The following EPB41L4B variants were observed in gnomAD, a reference collection of about 807,000 sequenced individuals.
The protein encoded by EPB41L4B is erythrocyte membrane protein band 4.1 like 4B.
A neutral mutation model predicts 112.5 loss-of-function variants in EPB41L4B; 30 were observed. The ratio of observed to expected loss-of-function variants is 0.27; its 90% confidence interval spans 0.20 to 0.36. EPB41L4B has a LOEUF of 0.36. Ranked by LOEUF, EPB41L4B falls within the 10% of genes least tolerant of loss-of-function variation. EPB41L4B has a pLI of 1.00. For synonymous variants in EPB41L4B, 408 were observed against 439.7 expected (o/e 0.93, Z 0.90); for missense variants, 1,024 against 1,133.3 (o/e 0.90, Z 1.38).
At chr9:109,268,896 CA>C (rs55646924) in intron 2 of EPB41L4B, among the ~76,000 whole-genome samples, 2,367 of 106,684 alleles carry the variant, frequency 0.022, 51 homozygotes, top group African/African-American at 0.082. Flanking sequence ...AACTCCGTCT[CA>C]AAAAAAAAAA....
rs114709089 is a variant in EPB41L4B, at chr9:109,262,002, C to A, written c.631+1048G>T. Among the ~76,000 whole-genome samples, 967 of 152,266 alleles carry A rather than the reference C, an allele frequency of 6.4e-3. 11 individuals are homozygous for A. Among genetic ancestry groups the A allele is most frequent in the African/African-American group, 0.023 (938 of 41,550 alleles). On this transcript the variant is annotated intron_variant, in intron 6 of 25. Transcript: ENST00000374566. ...TGTCTATCTGATGTACTAATGAAAT[C>A]CCGGATATGCAGTTACACATTAGTA...
rs562783024 is a variant in EPB41L4B at position 109,198,939 on chromosome 9, A to G, written c.2045+1297T>C. Among the ~76,000 whole-genome samples, 3 of 152,088 alleles carry G rather than the reference A, an allele frequency of 2.0e-5. No homozygotes were observed. In the South Asian group the frequency reaches 6.2e-4, roughly 32 times the overall value. Reference sequence around the variant, plus strand: ...AGGCTCTGTCTCAAAAAAAAAAAAAAAAAGGGAAATACCATTGTGATCAGT... The same window carrying G: ...AGGCTCTGTCTCAAAAAAAAAAAAAGAAAGGGAAATACCATTGTGATCAGT... On this transcript the variant is annotated intron_variant, in intron 20 of 25. Transcript: ENST00000374566.
chr9:109,240,345 A>G, intron 15 of EPB41L4B: 1 of 985,474 alleles, frequency 1.0e-6, no homozygotes, highest in South Asian at 4.7e-5. Flanking sequence ...TCCACTGTGC[A>G]AGGTATGCAG....
chr9:109,235,935 A>G (rs1175161866), intron 15 of EPB41L4B, among the ~76,000 whole-genome samples: 1 of 152,228 alleles, frequency 6.6e-6, no homozygotes, highest in Admixed American at 6.5e-5. Context: ...TAAGTGGCAA[A>G]GCTGGGATTC....
At chr9:109,248,854 T>C (rs773684509) in intron 13 of EPB41L4B, among the ~76,000 whole-genome samples, 11 of 151,670 alleles carry the variant, frequency 7.3e-5, no homozygotes, top group Non-Finnish European at 1.6e-4. Context: ...GGTCAGGAGA[T>C]CGAGACCATC....
chr9:109,213,885 G>C (rs1314731357), intron 16 of EPB41L4B, 67 bp from the exon 17 acceptor site: 1 of 1,447,746 alleles, frequency 6.9e-7, no homozygotes, highest in African/African-American at 1.4e-5. Flanking sequence ...GGGGAAAAGG[G>C]ACACTTGCCA....
chr9:109,257,047 C>A (rs1835009145), intron 7 of EPB41L4B, among the ~76,000 whole-genome samples: 1 of 152,216 alleles, frequency 6.6e-6, no homozygotes, highest in Non-Finnish European at 1.5e-5. Flanking sequence ...AAGGAAAAGA[C>A]TACAGGCTGC....
chr9:109,267,432 A>G, intron 4 of EPB41L4B, 41 bp downstream of exon 4: 2 of 1,342,568 alleles, frequency 1.5e-6, no homozygotes, highest in Non-Finnish European at 2.1e-6. Context: ...CATGTAAGGC[A>G]AGCCCTGCTG....
chr9:109,289,349 G>A (rs1249827620), intron 1 of EPB41L4B, among the ~76,000 whole-genome samples: 2 of 152,072 alleles, frequency 1.3e-5, no homozygotes, highest in Non-Finnish European at 2.9e-5. Flanking sequence ...CCCTTCTCCC[G>A]CACCCCCATT....
In EPB41L4B at chr9:109,253,209, T is replaced by C. The variant is rs186851711; in HGVS notation, c.1279+232A>G. 8.9e-4 allele frequency among the ~76,000 whole-genome samples: 135 copies of C among 151,960 alleles called. 3 individuals are homozygous for C. Among genetic ancestry groups the C allele is most frequent in the East Asian group, 2.9e-3 (15 of 5,162 alleles). ...AAGCAAAGAGGCACATGGAAAGAAA[T>C]ATGGAGAAAGGGGAGAAATAAATGA... On this transcript the variant is annotated intron_variant, in intron 12 of 25. Transcript: ENST00000374566.
chr9:109,287,737 G>A (rs189340872), intron 1 of EPB41L4B, among the ~76,000 whole-genome samples: 150 of 152,158 alleles, frequency 9.9e-4, no homozygotes, highest in African/African-American at 3.3e-3. Context: ...GGGCTCAAGC[G>A]ATCCTCCCAC....
At chr9:109,236,508 T>C (rs1235004533) in intron 15 of EPB41L4B, among the ~76,000 whole-genome samples, 3 of 152,150 alleles carry the variant, frequency 2.0e-5, no homozygotes, top group African/African-American at 7.2e-5. Flanking sequence ...AGCTTTGCTT[T>C]CCAAAAGTGA....
At chr9:109,319,288 G>C (rs1837749741) in intron 1 of EPB41L4B, among the ~76,000 whole-genome samples, 1 of 152,194 alleles carries the variant, frequency 6.6e-6, no homozygotes, top group African/African-American at 2.4e-5. Flanking sequence ...CGGGGCGGGG[G>C]TGCAACCACC....
At chr9:109,288,957 T>G (rs1391037875) in intron 1 of EPB41L4B, among the ~76,000 whole-genome samples, 1 of 151,940 alleles carries the variant, frequency 6.6e-6, no homozygotes, top group African/African-American at 2.4e-5. Flanking sequence ...TGTTTATAAT[T>G]TACCCAATCT....
At chr9:109,233,179 T>C (rs1010251869) in intron 15 of EPB41L4B, among the ~76,000 whole-genome samples, 44 of 152,352 alleles carry the variant, frequency 2.9e-4, no homozygotes, top group African/African-American at 1.1e-3. Context: ...GTGGATGGCC[T>C]AGACTACAGC....
intron 1 of EPB41L4B, among the ~76,000 whole-genome samples, chr9:109,298,890 A>C (rs1183402321): frequency 3.9e-5 from 6 of 152,152 alleles, no homozygotes; most frequent in African/African-American, 1.2e-4. Flanking sequence ...AAAAAAGTAC[A>C]CCATGTCCAA....
intron 22 of EPB41L4B, among the ~76,000 whole-genome samples, chr9:109,188,882 G>A (rs183205151): frequency 2.4e-4 from 37 of 152,308 alleles, no homozygotes; most frequent in African/African-American, 8.7e-4. Flanking sequence ...CAAAGAGAAA[G>A]CGTAAAGAAC....
intron 22 of EPB41L4B, among the ~76,000 whole-genome samples, chr9:109,191,086 G>A (rs1324438209): frequency 6.6e-6 from 1 of 152,170 alleles, no homozygotes; most frequent in Non-Finnish European, 1.5e-5. Flanking sequence ...GATGGAGGGA[G>A]GAGGACCAAA....
At chr9:109,310,323 G>A (rs1348111243) in intron 1 of EPB41L4B, among the ~76,000 whole-genome samples, 1 of 151,872 alleles carries the variant, frequency 6.6e-6, no homozygotes, top group South Asian at 2.1e-4. Flanking sequence ...GAAAAGAAAG[G>A]GATGAAAGAC....
Sources: gnomAD v4.1 joint callset for allele counts (sites outside exome capture counted in the v4.1 genomes callset) on GRCh38, gnomAD v4.1.1 for gene constraint, MANE v1.5 for transcripts, NCBI Gene and HGNC (gene_info 2026-07-23, HGNC 2026-07-21) for gene names.